PDE1C: variants seen among roughly 807,000 people sequenced by gnomAD.
PDE1C encodes phosphodiesterase 1C.
PDE1C carries 62 observed loss-of-function variants against 93.1 expected under a neutral mutation model. That is an observed-to-expected ratio of 0.67 (90% CI 0.54 to 0.82). The LOEUF (loss-of-function observed/expected upper bound fraction) is 0.82. PDE1C is among the 40% of genes least tolerant of loss of function. PDE1C has a pLI of 0.00. For synonymous variants in PDE1C, 325 were observed against 310.1 expected (o/e 1.05, Z -0.50); for missense variants, 742 against 884.6 (o/e 0.84, Z 2.04).
At chr7:31,900,689 T>C (rs1437770659) in intron 2 of PDE1C, among the ~76,000 whole-genome samples, 1 of 151,928 alleles carries the variant, frequency 6.6e-6, no homozygotes, top group Non-Finnish European at 1.5e-5. Flanking sequence ...ATTGCAGCTA[T>C]ATCACAACAA....
chr7:32,054,812 C>T (rs1793850323), intron 1 of PDE1C, among the ~76,000 whole-genome samples: 1 of 152,172 alleles, frequency 6.6e-6, no homozygotes, highest in African/African-American at 2.4e-5. Flanking sequence ...GTTTGGAGGT[C>T]AGCTCTTAAA....
the PDE1C span, chr7:31,653,834 C>G: frequency 6.6e-6 from 1 of 151,976 alleles, no homozygotes; most frequent in African/African-American, 2.4e-5. Flanking sequence ...GAAGGGAATC[C>G]GATTTAGATC....
At chr7:32,166,036 CAGAGGTTTTGCCACCAAAAAAAAAAAA>C (rs1802239199) in intron 3 of PDE1C, among the ~76,000 whole-genome samples, 1 of 137,796 alleles carries the variant, frequency 7.3e-6, no homozygotes, top group Non-Finnish European at 1.6e-5. Context: ...GTTAAGAAAA[CAGAGGTTTTGCCACCAAAAAAAAAAAA>C]AGACATTATG....
At chr7:31,842,367 T>C (rs529250126) in intron 9 of PDE1C, among the ~76,000 whole-genome samples, 1 of 152,254 alleles carries the variant, frequency 6.6e-6, no homozygotes, top group East Asian at 1.9e-4. Context: ...AAGATTGGTA[T>C]TATCTGTTCT....
intron 17 of PDE1C, among the ~76,000 whole-genome samples, chr7:31,772,257 C>T (rs1368001208): frequency 6.6e-6 from 1 of 152,122 alleles, no homozygotes; most frequent in African/African-American, 2.4e-5. Context: ...GTCCCAATGT[C>T]CTTCCATCTC....
intron 1 of PDE1C, among the ~76,000 whole-genome samples, chr7:32,361,640 G>A (rs1298461719): frequency 6.6e-6 from 1 of 152,128 alleles, no homozygotes; most frequent in Non-Finnish European, 1.5e-5. Flanking sequence ...GCCTCTTCAA[G>A]GTCCACCTCA....
At chr7:31,771,790 T>C (rs1041607207) in intron 17 of PDE1C, among the ~76,000 whole-genome samples, 1 of 152,162 alleles carries the variant, frequency 6.6e-6, no homozygotes, top group East Asian at 1.9e-4. Context: ...TTTTGGCTAA[T>C]TTCAAGTAGA....
chr7:32,061,882 TA>T (rs1410565113), intron 1 of PDE1C, among the ~76,000 whole-genome samples: 1 of 152,198 alleles, frequency 6.6e-6, no homozygotes, highest in East Asian at 1.9e-4. Flanking sequence ...TCAGACTATT[TA>T]GGGGTCACAC....
chr7:31,880,951 AT>A, intron 2 of PDE1C, 91 bp from the exon 3 acceptor site: 1 of 779,302 alleles, frequency 1.3e-6, no homozygotes, highest in East Asian at 2.5e-5. Flanking sequence ...GTCATCGAAT[AT>A]TCTCACTTAT....
chr7:32,077,641 G>A (rs954621733), intron 3 of PDE1C, among the ~76,000 whole-genome samples: 4 of 148,938 alleles, frequency 2.7e-5, no homozygotes, highest in South Asian at 2.2e-4. Flanking sequence ...GTGTGATCTC[G>A]GCTCACTGCA....
intron 1 of PDE1C, among the ~76,000 whole-genome samples, chr7:32,055,808 C>G (rs1372808018): frequency 6.6e-6 from 1 of 152,214 alleles, no homozygotes; most frequent in Admixed American, 6.5e-5. Flanking sequence ...GCAACCTCCT[C>G]CTCCTGGGTT....
chr7:31,791,812 G>A (rs758417168), intron 16 of PDE1C, among the ~76,000 whole-genome samples: 2 of 151,978 alleles, frequency 1.3e-5, no homozygotes, highest in African/African-American at 2.4e-5. Flanking sequence ...AGAGACCCAC[G>A]GTCCAGACTG....
intron 2 of PDE1C, among the ~76,000 whole-genome samples, chr7:32,026,395 C>G (rs1161221117): frequency 6.6e-6 from 1 of 152,134 alleles, no homozygotes; most frequent in East Asian, 1.9e-4. Flanking sequence ...CTCAGAACAT[C>G]AAGAACATAC....
At chr7:31,970,013 G>A (rs1164188561) in intron 2 of PDE1C, among the ~76,000 whole-genome samples, 1 of 151,976 alleles carries the variant, frequency 6.6e-6, no homozygotes, top group Non-Finnish European at 1.5e-5. Context: ...GAGTGGGGAG[G>A]GATAGCATTA....
intron 2 of PDE1C, among the ~76,000 whole-genome samples, chr7:31,987,509 T>A (rs370920745): frequency 9.9e-5 from 15 of 152,210 alleles, no homozygotes; most frequent in African/African-American, 3.6e-4. Context: ...AGAATGAACT[T>A]AGAAAGTAAG....
At chr7:32,194,800 T>A (rs1240958363) in intron 2 of PDE1C, among the ~76,000 whole-genome samples, 1 of 151,556 alleles carries the variant, frequency 6.6e-6, no homozygotes, top group Non-Finnish European at 1.5e-5. Flanking sequence ...GGCTTACATC[T>A]TCTTTTATTT....
At chr7:32,267,471 G>C (rs1810669318) in intron 1 of PDE1C, among the ~76,000 whole-genome samples, 1 of 152,072 alleles carries the variant, frequency 6.6e-6, no homozygotes, top group Non-Finnish European at 1.5e-5. Context: ...GGTAGAAGGG[G>C]GTGACCCATC....
At chr7:31,933,113 C>A (rs1804549979) in intron 2 of PDE1C, among the ~76,000 whole-genome samples, 1 of 151,872 alleles carries the variant, frequency 6.6e-6, no homozygotes, top group Admixed American at 6.6e-5. Context: ...ATACCTAATG[C>A]ATACAGGGCT....
At chr7:31,876,129 C>T (rs1055635409) in intron 5 of PDE1C, among the ~76,000 whole-genome samples, 6 of 151,918 alleles carry the variant, frequency 3.9e-5, no homozygotes, top group Admixed American at 6.6e-5. Flanking sequence ...TATCTGTGAT[C>T]GCTCCAACTC....
Sources: allele counts gnomAD v4.1 joint callset (sites outside exome capture counted in the v4.1 genomes callset), GRCh38; gene constraint gnomAD v4.1.1; transcripts MANE v1.5; gene names NCBI Gene and HGNC (gene_info 2026-07-23, HGNC 2026-07-21).